Variants in CHRNB2 observed in about 807,000 individuals in gnomAD.
The protein encoded by CHRNB2 is cholinergic receptor nicotinic beta 2 subunit, also known as neuronal acetylcholine receptor subunit beta-2.
CHRNB2 carries 33 observed loss-of-function variants against 42.7 expected under a neutral mutation model. The observed-to-expected ratio is 0.77, with a 90% CI of 0.59 to 1.03. CHRNB2 has a LOEUF of 1.03. CHRNB2 is among the 50% of genes least tolerant of loss of function. CHRNB2 has a pLI of 0.00. For synonymous variants in CHRNB2, 325 were observed against 292.9 expected (o/e 1.11, Z -1.12); for missense variants, 603 against 700.9 (o/e 0.86, Z 1.58).
At position 154,576,348 on chromosome 1, in the gene CHRNB2, C is replaced by T. The variant is rs193194163; in HGVS notation, c.*416C>T. The T allele has an allele frequency of 4.8e-4, 155 of 324,250 alleles. No homozygotes were observed. Among genetic ancestry groups the T allele is most frequent in the African/African-American group, 1.0e-3 (48 of 46,650 alleles). 20.1% of individuals were successfully genotyped at this position (324,250 alleles called of 1,614,324 possible). Reference sequence around the variant, plus strand: ...GGAAGGGCAGGAGCTCACACCGCACCGGGCTGGCCTGACACAATGGTAGCT... The same window carrying T: ...GGAAGGGCAGGAGCTCACACCGCACTGGGCTGGCCTGACACAATGGTAGCT... On this transcript the variant is annotated 3_prime_UTR_variant, in exon 6 of 6. Coordinates refer to ENST00000368476, the MANE Select transcript of CHRNB2 (RefSeq NM_000748.3).
rs904058551 is a variant in CHRNB2 at position 154,576,170 on chromosome 1, C to T, written c.*238C>T. On this transcript the variant is annotated 3_prime_UTR_variant, in exon 6 of 6. Transcript: ENST00000368476. ...TCTCCATCTCTTGTACCAGCCCAGG[C>T]AATAGTGTTGAGGAGGGGAGCAAGG... The T allele has an allele frequency of 1.7e-6, 1 of 576,896 alleles. No homozygotes were observed. Among genetic ancestry groups the T allele is most frequent in the Non-Finnish European group, 3.1e-6 (1 of 318,322 alleles). 35.7% of individuals were successfully genotyped at this position (576,896 alleles called of 1,614,324 possible).
chr1:154,569,634 C>T, intron 2 of CHRNB2, 27 bp downstream of exon 2: 3 of 1,613,990 alleles, frequency 1.9e-6, no homozygotes, highest in Non-Finnish European at 2.5e-6. Flanking sequence ...GGCTCTCTGC[C>T]CAGCTACTGA....
chr1:154,570,845 C>T (rs1696149612), intron 4 of CHRNB2, among the ~76,000 whole-genome samples: 1 of 152,124 alleles, frequency 6.6e-6, no homozygotes, highest in Admixed American at 6.5e-5. Flanking sequence ...GGCCTCCTGG[C>T]TCCCCTGACT....
rs1336296723 is a variant in CHRNB2 at position 154,571,409 on chromosome 1, G to A, written c.586G>A (p.Asp196Asn). The change falls in exon 5 of 6, where the codon GAC becomes AAC. Residue 196 changes from aspartate (D) to asparagine (N), a missense_variant. Physicochemically the swap from Asp to Asn is conservative, Grantham distance 23 (BLOSUM62 1). Around this residue, in one of 2 missense-constraint regions of CHRNB2, gnomAD observed 333 missense variants for 452.6 expected, o/e 0.74. Transcript: ENST00000368476. This position sits in a 1 kb window ranked among gnomAD's most constrained non-coding sequence, Gnocchi z 6.8. Reference protein sequence around the residue: ...VLKSEVASLDDFTPSGEWDIV... With the variant: ...VLKSEVASLDNFTPSGEWDIV... ...GAAGAGTGAGGTGGCCAGCCTGGAC[G>A]ACTTCACACCTAGTGGTGAGTGGGA... The A allele has an allele frequency of 1.2e-6, 2 of 1,614,166 alleles. No individual in the cohort carries two copies. Among genetic ancestry groups the A allele is most frequent in the East Asian group, 2.2e-5 (1 of 44,882 alleles).
Position 154,575,956 on chromosome 1 carries a change from T to C in CHRNB2, c.*24T>C. ...GAGGCCCTTCCTCATCTCCATGCTC[T>C]TTCACCCTGCCACCCTCTGCTGCAC... On this transcript the variant is annotated 3_prime_UTR_variant, in exon 6 of 6. Coordinates refer to ENST00000368476, the MANE Select transcript of CHRNB2 (RefSeq NM_000748.3). The C allele has an allele frequency of 6.2e-7, 1 of 1,613,818 alleles. No individual in the cohort carries two copies. The highest frequency in any genetic ancestry group is 2.2e-5 in the East Asian group (1 of 44,878).
chr1:154,572,720 C>T (rs1696201677), intron 5 of CHRNB2, among the ~76,000 whole-genome samples: 1 of 151,988 alleles, frequency 6.6e-6, no homozygotes, highest in Non-Finnish European at 1.5e-5. Flanking sequence ...AGCATGGAGT[C>T]CTAAATCAAT....
intron 5 of CHRNB2, among the ~76,000 whole-genome samples, chr1:154,573,085 G>A (rs1249345788): frequency 1.3e-5 from 2 of 152,168 alleles, no homozygotes; most frequent in East Asian, 1.9e-4. Flanking sequence ...AGGGCACTGC[G>A]GTGTGGGCCT....
rs1434522106 is a variant in CHRNB2, at chr1:154,571,123, G to C, written c.366-66G>C. 1.2e-6 allele frequency: 2 copies of C among 1,612,246 alleles called. No homozygotes were observed. The highest frequency in any genetic ancestry group is 8.5e-7 in the Non-Finnish European group (1 of 1,180,004). Reference sequence around the variant, plus strand: ...TGGTTTTGCTCTCCTCCCATTAGGGGCTGGGTTGATGGGTAAGGAGGAAGG... The same window carrying C: ...TGGTTTTGCTCTCCTCCCATTAGGGCCTGGGTTGATGGGTAAGGAGGAAGG... On this transcript the variant is annotated intron_variant, in intron 4 of 5. Transcript: ENST00000368476. The surrounding 1 kb of genome is among the most constrained non-coding windows in gnomAD (Gnocchi z 6.8).
rs1243550130 is a variant in CHRNB2, at chr1:154,572,105, G to A, written c.1282G>A (p.Val428Met). Residue 428 changes from valine to methionine, a missense_variant, in exon 5 of 6, where the codon GTG (valine) becomes ATG (methionine). By Grantham distance (21) the Val-to-Met change is conservative. Around this residue, in one of 2 missense-constraint regions of CHRNB2, gnomAD observed 270 missense variants for 248.3 expected, o/e 1.09. Transcript: ENST00000368476. Reference protein sequence around the residue: ...EPCGCGLREAVDGVRFIADHM... With the variant: ...EPCGCGLREAMDGVRFIADHM... ...GTGTGGCTGTGGCCTCCGGGAGGCG[G>A]TGGACGGCGTGCGCTTCATCGCAGA... is the stretch of plus-strand genomic sequence containing the variant. 4 of 1,536,992 alleles carry A rather than the reference G, an allele frequency of 2.6e-6. No individual in the cohort carries two copies. The highest frequency in any genetic ancestry group is 2.0e-5 in the Admixed American group (1 of 50,994).
chr1:154,575,707 TTTGTC>T, intron 5 of CHRNB2, 50 bp from the exon 6 acceptor site: 1 of 1,590,188 alleles, frequency 6.3e-7, no homozygotes, highest in East Asian at 2.2e-5. Flanking sequence ...CTTATACTCG[TTTGTC>T]TCCCATCCTG....
intron 5 of CHRNB2, 70 bp downstream of exon 5, chr1:154,572,231 A>G (rs1274108241): frequency 1.3e-6 from 2 of 1,531,552 alleles, no homozygotes; most frequent in South Asian, 2.4e-5. Flanking sequence ...TCTGGAAAGC[A>G]GCGGCGTTCT....
At position 154,571,664 on chromosome 1, in the gene CHRNB2, C is replaced by T. The variant is rs1553204296; in HGVS notation, c.841C>T (p.Leu281=). Residue 281 remains leucine, a synonymous_variant, in exon 5 of 6, where the codon CTG becomes TTG. Transcript: ENST00000368476. The surrounding 1 kb of genome is among the most constrained non-coding windows in gnomAD (Gnocchi z 6.8). ...GCTGCTGGCGCTCACGGTCTTCCTG[C>T]TGCTCATCTCCAAGATCGTGCCTCC... ...SVLLALTVFL[L]LISKIVPPTS... The T allele has an allele frequency of 6.2e-7, 1 of 1,614,220 alleles. No homozygotes were observed. Among genetic ancestry groups the T allele is most frequent in the Non-Finnish European group, 8.5e-7 (1 of 1,180,018 alleles).
At position 154,577,482 on chromosome 1, in the gene CHRNB2, AG is replaced by A. The variant is rs1398732914; in HGVS notation, c.*1551del. 6.6e-6 allele frequency: 1 copy of A among 152,244 alleles called. No individual in the cohort carries two copies. The highest frequency in any genetic ancestry group is 1.5e-5 in the Non-Finnish European group (1 of 68,072). 9.4% of individuals were successfully genotyped at this position (152,244 alleles called of 1,614,324 possible). The stretch of plus-strand genomic sequence containing the variant: ...CTTGAGCAAGTCCCTTCATCTTGCT[AG>A]AGCTCAGCTTCCTTGCCTATAAAAC... On this transcript the variant is annotated 3_prime_UTR_variant, in exon 6 of 6. Coordinates refer to ENST00000368476, the MANE Select transcript of CHRNB2 (RefSeq NM_000748.3).
chr1:154,571,234 C>T lies in CHRNB2; in HGVS notation c.411C>T (p.Val137=), dbSNP rs376567330. Residue 137 remains valine, a synonymous_variant, in exon 5 of 6, where the codon GTC becomes GTT. Coordinates refer to ENST00000368476, the MANE Select transcript of CHRNB2 (RefSeq NM_000748.3). This position sits in a 1 kb window ranked among gnomAD's most constrained non-coding sequence, Gnocchi z 6.8. ...TGTCCTTCTATTCCAATGCCGTGGT[C>T]TCCTATGATGGCAGCATCTTCTGGC... ...YEVSFYSNAV[V]SYDGSIFWLP... 10 of 1,614,050 alleles carry T rather than the reference C, an allele frequency of 6.2e-6. No individual in the cohort carries two copies. The African/African-American group carries it at 1.3e-4, about 22-fold the overall frequency.
intron 5 of CHRNB2, among the ~76,000 whole-genome samples, chr1:154,573,939 G>C (rs560040520): frequency 1.3e-5 from 2 of 151,990 alleles, no homozygotes; most frequent in South Asian, 4.1e-4. Flanking sequence ...TAGTAGAGAC[G>C]GGGTTTTACC....
Position 154,570,267 on chromosome 1 carries a change from G to C in CHRNB2, c.265G>C (p.Asp89His). 2 of 1,609,978 alleles carry C rather than the reference G, an allele frequency of 1.2e-6. No individual in the cohort carries two copies. Among genetic ancestry groups the C allele is most frequent in the South Asian group, 1.1e-5 (1 of 90,264 alleles). Reference protein sequence around the residue: ...TNVWLTQEWEDYRLTWKPEEF... With the variant: ...TNVWLTQEWEHYRLTWKPEEF... ...CTCTCTCATTTCCCAGGAGTGGGAA[G>C]ATTATCGCCTCACCTGGAAGCCTGA... The change falls in exon 4 of 6, where the codon GAT (aspartate) becomes CAT (histidine). Residue 89 changes from aspartate (D) to histidine (H), a missense_variant. Physicochemically the swap from Asp to His is moderately conservative, Grantham distance 81. Around this residue, in one of 2 missense-constraint regions of CHRNB2, gnomAD observed 333 missense variants for 452.6 expected, o/e 0.74. Transcript: ENST00000368476.
In CHRNB2 at chr1:154,571,632, T is replaced by C; in HGVS notation, c.809T>C (p.Ile270Thr). ...SDCGEKMTLC[I>T]SVLLALTVFL... ...TGTGGCGAGAAGATGACGTTGTGCATCTCAGTGCTGCTGGCGCTCACGGTC... is the reference window on the plus strand; with the variant it reads ...TGTGGCGAGAAGATGACGTTGTGCACCTCAGTGCTGCTGGCGCTCACGGTC... The change falls in exon 5 of 6, where the codon ATC becomes ACC. Residue 270 changes from isoleucine (I) to threonine (T), a missense_variant. Around this residue, in one of 2 missense-constraint regions of CHRNB2, gnomAD observed 333 missense variants for 452.6 expected, o/e 0.74. Transcript: ENST00000368476. This position sits in a 1 kb window ranked among gnomAD's most constrained non-coding sequence, Gnocchi z 6.8. The C allele has an allele frequency of 6.2e-7, 1 of 1,614,228 alleles. No homozygotes were observed. Among genetic ancestry groups the C allele is most frequent in the East Asian group, 2.2e-5 (1 of 44,880 alleles).
rs1696161217 is a variant in CHRNB2, at chr1:154,571,366, A to G, written c.543A>G (p.Thr181=). ...MKFRSWTYDR[T]EIDLVLKSEV... ...TCCGTTCGTGGACCTACGACCGCAC[A>G]GAGATCGACTTGGTGCTGAAGAGTG... Residue 181 remains threonine (T), a synonymous_variant, in exon 5 of 6, where the codon ACA becomes ACG. Coordinates refer to ENST00000368476, the MANE Select transcript of CHRNB2 (RefSeq NM_000748.3). The surrounding 1 kb of genome is among the most constrained non-coding windows in gnomAD (Gnocchi z 6.8). The G allele has an allele frequency of 1.9e-6, 3 of 1,614,220 alleles. No individual in the cohort carries two copies. The highest frequency in any genetic ancestry group is 2.5e-6 in the Non-Finnish European group (3 of 1,180,048).
intron 3 of CHRNB2, 47 bp downstream of exon 3, chr1:154,569,883 C>T (rs771210508): frequency 2.5e-6 from 4 of 1,605,064 alleles, no homozygotes; most frequent in South Asian, 2.2e-5. Context: ...CCTTCTCTCT[C>T]CTCCTTTTTC....
Sources: gnomAD v4.1 joint callset for allele counts (sites outside exome capture counted in the v4.1 genomes callset) on GRCh38, gnomAD v4.1.1 for gene constraint, gnomAD v4.1.1 regional missense constraint, Gnocchi (gnomAD v3.1) non-coding constraint, MANE v1.5 for transcripts, NCBI Gene and HGNC (gene_info 2026-07-23, HGNC 2026-07-21) for gene names.